The following PRH1 variants were observed in gnomAD, a reference collection of about 807,000 sequenced individuals.
PRH1 encodes the protein salivary acidic proline-rich phosphoprotein 1/2.
PRH1 carries 7 observed loss-of-function variants against 7.9 expected under a neutral mutation model. The ratio of observed to expected loss-of-function variants is 0.89; its 90% CI spans 0.50 to 1.67. The LOEUF is 1.67. Ranked by LOEUF, PRH1 falls within the 40% of genes most tolerant of loss-of-function variation. PRH1 has a pLI of 0.00. For missense variants in PRH1, 109 were observed against 223.6 expected, an observed-to-expected ratio of 0.49 and a Z score of 3.27; for synonymous variants, 45 against 80.8, an observed-to-expected ratio of 0.56 and a Z score of 2.38.
chr12:10,903,728 T>C (rs975831859), intron 2 of PRH1, among the ~76,000 whole-genome samples: 1 of 151,368 alleles, frequency 6.6e-6, no homozygotes, highest in South Asian at 2.1e-4. Flanking sequence ...ATAAAAGCCA[T>C]AGTCAAACTA....
intron 1 of PRH1, among the ~76,000 whole-genome samples, chr12:11,091,119 T>C (rs200560394): frequency 0.082 from 2,908 of 35,584 alleles, 867 homozygotes; most frequent in South Asian, 0.18. Context: ...CACACACATA[T>C]ATATATATAT....
In PRH1 at chr12:10,995,666, G is replaced by T. The variant is rs1344153703; in HGVS notation, c.-125-21945C>A. 2.0e-5 allele frequency among the ~76,000 whole-genome samples: 3 copies of T among 152,146 alleles called. No homozygotes were observed. In the East Asian group the frequency reaches 5.8e-4, roughly 29 times the overall value. On this transcript the variant is annotated intron_variant, in intron 1 of 3. Transcript: ENST00000539853. ...TTTGAGCTTTTTGAGGAATTTTAAGGATGGAAGATAAAGGAGGAAATTGAC... is the reference window on the plus strand; with the variant it reads ...TTTGAGCTTTTTGAGGAATTTTAAGTATGGAAGATAAAGGAGGAAATTGAC...
chr12:11,156,376 G>C (rs1324167128), intron 1 of PRH1, among the ~76,000 whole-genome samples: 1 of 151,820 alleles, frequency 6.6e-6, no homozygotes, highest in African/African-American at 2.4e-5. Flanking sequence ...TTGGTTTCTC[G>C]AATGTATGGA....
chr12:10,912,639 G>A (rs992975681), intron 2 of PRH1, among the ~76,000 whole-genome samples: 7 of 151,584 alleles, frequency 4.6e-5, no homozygotes, highest in South Asian at 2.1e-4. Context: ...CCTGGCATAC[G>A]TTTTCCTCTT....
chr12:11,023,707 GAAGA>G lies in PRH1; in HGVS notation c.-126+23309_-126+23312del, dbSNP rs796588420. 7.9e-5 allele frequency among the ~76,000 whole-genome samples: 12 copies of G among 152,264 alleles called. 1 individual carries two copies. The highest frequency in any genetic ancestry group is 2.9e-4 in the African/African-American group (12 of 41,566). ...TCTGGCTAGCACACTGTTCCCAGAAGAAGAAAGAGAAACTAATGGAGTCAGAATG... is the reference window on the plus strand; with the variant it reads ...TCTGGCTAGCACACTGTTCCCAGAAGAAGAGAAACTAATGGAGTCAGAATG... On this transcript the variant is annotated intron_variant, in intron 1 of 3. Transcript: ENST00000539853.
At chr12:10,931,407 T>C (rs1446209250) in intron 2 of PRH1, among the ~76,000 whole-genome samples, 2 of 152,226 alleles carry the variant, frequency 1.3e-5, no homozygotes, top group Non-Finnish European at 2.9e-5. Flanking sequence ...AAGTTTTACC[T>C]GAACACTCCT....
At chr12:11,147,731 T>C (rs1489335846) in intron 1 of PRH1, among the ~76,000 whole-genome samples, 4 of 152,330 alleles carry the variant, frequency 2.6e-5, no homozygotes, top group Middle Eastern at 6.8e-3. Context: ...CTAAAAGTGC[T>C]AGAACAATGT....
chr12:10,983,319 CTGTGAA>C (rs780226738), intron 1 of PRH1, among the ~76,000 whole-genome samples: 6 of 152,224 alleles, frequency 3.9e-5, no homozygotes, highest in Non-Finnish European at 8.8e-5. Flanking sequence ...CCCTGTGCAA[CTGTGAA>C]GTCATATGCC....
At chr12:10,927,275 C>G (rs1950136181) in intron 2 of PRH1, among the ~76,000 whole-genome samples, 1 of 152,200 alleles carries the variant, frequency 6.6e-6, no homozygotes, top group Admixed American at 6.5e-5. Context: ...TCTTTGTTCC[C>G]TTTCTCTGGC....
chr12:11,139,149 G>C (rs1324709250), intron 1 of PRH1, among the ~76,000 whole-genome samples: 1 of 152,128 alleles, frequency 6.6e-6, no homozygotes, highest in Non-Finnish European at 1.5e-5. Context: ...AGAATATGCT[G>C]TATCACCCTG....
At chr12:10,988,992 C>G (rs1371799677) in intron 1 of PRH1, among the ~76,000 whole-genome samples, 1 of 152,014 alleles carries the variant, frequency 6.6e-6, no homozygotes, top group Non-Finnish European at 1.5e-5. Context: ...ATTTTTAGTA[C>G]AGACAGGGTT....
chr12:11,022,435 T>C, intron 1 of PRH1: 1 of 1,614,186 alleles, frequency 6.2e-7, no homozygotes, highest in Non-Finnish European at 8.5e-7. Context: ...AGTGAGAATT[T>C]GCTCAGCTGA....
At chr12:11,109,507 C>T (rs1401725274) in intron 1 of PRH1, among the ~76,000 whole-genome samples, 1 of 152,200 alleles carries the variant, frequency 6.6e-6, no homozygotes, top group Non-Finnish European at 1.5e-5. Flanking sequence ...GCAGCCTCCA[C>T]TGGTGATACC....
At chr12:11,016,178 G>C (rs1941285840) in intron 1 of PRH1, among the ~76,000 whole-genome samples, 1 of 152,216 alleles carries the variant, frequency 6.6e-6, no homozygotes, top group Middle Eastern at 3.2e-3. Context: ...TCAACTGTCT[G>C]ATAGATAAGG....
chr12:11,096,293 C>A lies in PRH1; in HGVS notation n.124-49105G>T, dbSNP rs1191421188. The stretch of plus-strand genomic sequence containing the variant: ...TGCTTCATTCTGGGTAGTTATCTTC[C>A]AATTCACTAATTCTTTCTTATGTTT... On this transcript the variant is annotated intron_variant and non_coding_transcript_variant, in intron 1 of 4. Transcript: ENST00000541977. 1.0e-4 allele frequency among the ~76,000 whole-genome samples: 12 copies of A among 115,188 alleles called. 5 individuals carry two copies. The highest frequency in any genetic ancestry group is 1.8e-4 in the African/African-American group (6 of 34,260). 75.6% of individuals were successfully genotyped at this position (115,188 alleles called of 152,430 possible). A position where few individuals can be genotyped will look rare whatever the true frequency, so the allele number is the denominator to read the frequency against.
At chr12:10,934,620 TA>T (rs61543378) in intron 2 of PRH1, among the ~76,000 whole-genome samples, 38,636 of 149,816 alleles carry the variant, frequency 0.26, 5,001 homozygotes, top group Non-Finnish European at 0.27. Context: ...TTTCTTCCTT[TA>T]AAAAAAAAAC....
intron 2 of PRH1, chr12:10,964,952 A>C: frequency 3.2e-6 from 2 of 632,798 alleles, no homozygotes; most frequent in East Asian, 4.1e-5. Flanking sequence ...CAAAGACCCC[A>C]ATAGTATCAC....
chr12:11,109,445 C>T (rs116607079), intron 1 of PRH1, among the ~76,000 whole-genome samples: 18,151 of 152,164 alleles, frequency 0.12, 1,194 homozygotes, highest in Non-Finnish European at 0.14. Context: ...GCGGGTAACC[C>T]TCTGGGATGA....
At chr12:11,124,188 C>T (rs936228765) in intron 1 of PRH1, among the ~76,000 whole-genome samples, 1 of 152,260 alleles carries the variant, frequency 6.6e-6, no homozygotes, top group Non-Finnish European at 1.5e-5. Flanking sequence ...ATGAGTAGCA[C>T]TGCATTTCAA....
Sources: gnomAD v4.1 joint callset for allele counts (sites outside exome capture counted in the v4.1 genomes callset) on GRCh38, gnomAD v4.1.1 for gene constraint, MANE v1.5 for transcripts, NCBI Gene and HGNC (gene_info 2026-07-23, HGNC 2026-07-21) for gene names.